CELSR1: variants seen among roughly 807,000 people sequenced by gnomAD.
CELSR1 encodes the protein adhesion G protein-coupled receptor C1.
CELSR1 carries 110 observed loss-of-function variants against 249.1 expected under a neutral mutation model. The observed-to-expected ratio is 0.44, with a 90% confidence interval of 0.38 to 0.52. CELSR1 has a LOEUF of 0.52. CELSR1 is among the 20% of genes least tolerant of loss of function. The probability of loss-of-function intolerance (pLI) is 0.00; values close to 1 mark genes in which losing one functional copy is unlikely to be tolerated. For missense variants in CELSR1, 4,109 were observed against 4,296.4 expected, an observed-to-expected ratio of 0.96 and a Z score of 1.22; for synonymous variants, 2,113 against 1,900.0, an observed-to-expected ratio of 1.11 and a Z score of -2.92.
At chr22:46,463,127 T>C (rs1486140227) in intron 2 of CELSR1, among the ~76,000 whole-genome samples, 3 of 152,242 alleles carry the variant, frequency 2.0e-5, no homozygotes, top group South Asian at 2.1e-4. Context: ...CCTGTAACCT[T>C]GTCCTACTGT....
At chr22:46,459,107 C>A (rs1225280843) in intron 2 of CELSR1, among the ~76,000 whole-genome samples, 1 of 152,122 alleles carries the variant, frequency 6.6e-6, no homozygotes, top group Non-Finnish European at 1.5e-5. Context: ...CCAGGATGGT[C>A]TCAATCTCCT....
chr22:46,463,646 G>A (rs2080058699), intron 2 of CELSR1, 61 bp downstream of exon 2: 22 of 1,439,096 alleles, frequency 1.5e-5, no homozygotes, highest in Non-Finnish European at 2.0e-5. Flanking sequence ...AACCACCTGA[G>A]ACCCTCGGCC....
intron 14 of CELSR1, among the ~76,000 whole-genome samples, chr22:46,392,940 T>C (rs1457397260): frequency 6.6e-6 from 1 of 152,136 alleles, no homozygotes; most frequent in East Asian, 1.9e-4. Flanking sequence ...CCACCCACTA[T>C]GCCACCACCG....
At chr22:46,377,414 T>A in intron 23 of CELSR1, 153 bp from the exon 24 acceptor site, 1 of 823,074 alleles carries the variant, frequency 1.2e-6, no homozygotes, top group Non-Finnish European at 1.9e-6. Flanking sequence ...CTCATGGCTC[T>A]GGGCCTGGAA....
intron 2 of CELSR1, among the ~76,000 whole-genome samples, chr22:46,443,317 C>A (rs1272663712): frequency 2.0e-5 from 3 of 152,192 alleles, no homozygotes; most frequent in African/African-American, 7.2e-5. Context: ...GCTTTCCCCT[C>A]CACCCCAGGA....
chr22:46,380,715 C>CT lies in CELSR1; in HGVS notation c.7256+72dup. 1 of 1,547,800 alleles carries CT rather than the reference C, an allele frequency of 6.5e-7. No homozygotes were observed. The highest frequency in any genetic ancestry group is 8.8e-7 in the Non-Finnish European group (1 of 1,141,614). ...ACCGTCCTCTTGGGGCGCTCTGCCA[C>CT]TGAGCCCCCGACCCTGCGGGGGCAC... On this transcript the variant is annotated intron_variant, in intron 22 of 34. Coordinates refer to ENST00000674500, the MANE Select transcript of CELSR1 (RefSeq NM_001378328.1). This position sits in a 1 kb window ranked among gnomAD's most constrained non-coding sequence, Gnocchi z 5.1.
At chr22:46,481,962 G>A (rs1254221433) in intron 1 of CELSR1, among the ~76,000 whole-genome samples, 1 of 152,040 alleles carries the variant, frequency 6.6e-6, no homozygotes, top group Non-Finnish European at 1.5e-5. Context: ...TAGTAGAGAT[G>A]GGGTTTCGCC....
intron 5 of CELSR1, among the ~76,000 whole-genome samples, chr22:46,431,042 A>G (rs944026913): frequency 1.3e-5 from 2 of 152,218 alleles, no homozygotes; most frequent in African/African-American, 4.8e-5. Flanking sequence ...GCTCGCAGGA[A>G]AGGCCTAATC....
Position 46,366,432 on chromosome 22 carries a change from G to C in CELSR1, c.8254C>G (p.Arg2752Gly), listed in dbSNP as rs140990388. 6.5e-7 allele frequency: 1 copy of C among 1,550,268 alleles called. No homozygotes were observed. Among genetic ancestry groups the C allele is most frequent in the East Asian group, 2.4e-5 (1 of 40,916 alleles). ...TTFGDGPDML[R>G]TDLGESTASL... Reference sequence around the variant, plus strand: ...GCGGTGGACTCGCCCAAGTCTGTGCGCAGCATGTCAGGCCCGTCACCGAAG... The same window carrying C: ...GCGGTGGACTCGCCCAAGTCTGTGCCCAGCATGTCAGGCCCGTCACCGAAG... The change falls in exon 30 of 35, where the codon CGC becomes GGC. Residue 2752 changes from arginine to glycine, a missense_variant. Physicochemically the swap from Arg to Gly is moderately radical, Grantham distance 125 (BLOSUM62 -2). Around this residue, in one of 7 missense-constraint regions of CELSR1, gnomAD observed 1,805 missense variants for 1,831.6 expected, o/e 0.99. Transcript: ENST00000674500.
At chr22:46,519,032 CAA>C (rs981048240) in intron 1 of CELSR1, among the ~76,000 whole-genome samples, 2 of 140,062 alleles carry the variant, frequency 1.4e-5, no homozygotes, top group Admixed American at 7.2e-5. Flanking sequence ...GACTCTGTAT[CAA>C]AAAAAAAAAA....
chr22:46,410,415 T>C lies in CELSR1; in HGVS notation c.4916A>G (p.Asn1639Ser). 1 of 1,613,816 alleles carries C rather than the reference T, an allele frequency of 6.2e-7. No individual in the cohort carries two copies. Among genetic ancestry groups the C allele is most frequent in the Non-Finnish European group, 8.5e-7 (1 of 1,179,866 alleles). ...KNVDMAGFIANNGTREGCAAR... is the reference protein window; with the variant it reads ...KNVDMAGFIASNGTREGCAAR... ...ACCCGTACCTTCCCGGGTGCCATTGTTGGCGATGAATCCGGCCATGTCCAC... is the reference window on the plus strand; with the variant it reads ...ACCCGTACCTTCCCGGGTGCCATTGCTGGCGATGAATCCGGCCATGTCCAC... The change falls in exon 7 of 35, where the codon AAC (asparagine) becomes AGC (serine). Residue 1639 changes from asparagine (N) to serine (S), a missense_variant. Physicochemically the swap from Asn to Ser is conservative, Grantham distance 46 (BLOSUM62 1). Coordinates refer to ENST00000674500, the MANE Select transcript of CELSR1 (RefSeq NM_001378328.1). The surrounding 1 kb of genome is among the most constrained non-coding windows in gnomAD (Gnocchi z 6.8).
At chr22:46,479,617 G>C (rs992610821) in intron 1 of CELSR1, among the ~76,000 whole-genome samples, 8 of 27,394 alleles carry the variant, frequency 2.9e-4, no homozygotes, top group South Asian at 3.9e-3. Context: ...GGACTTTTTG[G>C]GGGGGGGCCG....
chr22:46,479,451 G>A (rs561222171), intron 1 of CELSR1, among the ~76,000 whole-genome samples: 7 of 152,166 alleles, frequency 4.6e-5, no homozygotes, highest in East Asian at 1.9e-4. Flanking sequence ...CAGATGCCTC[G>A]TCTTTGGGAA....
rs555510928 is a variant in CELSR1 at position 46,534,953 on chromosome 22, C to G, written c.2218G>C (p.Gly740Arg). The G allele has an allele frequency of 6.2e-7, 1 of 1,612,474 alleles. No homozygotes were observed. The highest frequency in any genetic ancestry group is 2.2e-5 in the East Asian group (1 of 44,854). Reference sequence around the variant, plus strand: ...AGCGCCAGGGTGATGAGGCCGCCCCCTCTCTGGCTGCTGAGTGCAAAGCGG... The same window carrying G: ...AGCGCCAGGGTGATGAGGCCGCCCCGTCTCTGGCTGCTGAGTGCAAAGCGG... ...RNRFALSSQR[G>R]GGLITLALPL... Residue 740 changes from glycine to arginine, a missense_variant, in exon 1 of 35, where the codon GGG becomes CGG. By Grantham distance (125) the Gly-to-Arg change is moderately radical. This residue lies in a region of CELSR1 where 886 missense variants were observed against 896.5 expected (regional missense o/e 0.99). Coordinates refer to ENST00000674500, the MANE Select transcript of CELSR1 (RefSeq NM_001378328.1). The surrounding 1 kb of genome is among the most constrained non-coding windows in gnomAD (Gnocchi z 9.7).
rs766374482 is a variant in CELSR1 at position 46,390,507 on chromosome 22, T to C, written c.6251-21A>G. The C allele has an allele frequency of 3.8e-6, 6 of 1,592,116 alleles. No individual in the cohort carries two copies. Among genetic ancestry groups the C allele is most frequent in the Non-Finnish European group, 5.2e-6 (6 of 1,162,122 alleles). ...ATTTCCTGGGGAAGGAGAGCAGGTG[T>C]GCAAAGCCTGAAACTCAAACTGTTG... On this transcript the variant is annotated intron_variant, in intron 16 of 34. Coordinates refer to ENST00000674500, the MANE Select transcript of CELSR1 (RefSeq NM_001378328.1). This position sits in a 1 kb window ranked among gnomAD's most constrained non-coding sequence, Gnocchi z 6.3.
chr22:46,391,342 C>T lies in CELSR1; in HGVS notation c.6149-55G>A. ...GCGGGGCACGCCACACCCACGACCACAAACAGGCACCACTGTCTGCATGCG... is the reference window on the plus strand; with the variant it reads ...GCGGGGCACGCCACACCCACGACCATAAACAGGCACCACTGTCTGCATGCG... On this transcript the variant is annotated intron_variant, in intron 15 of 34. Transcript: ENST00000674500. The surrounding 1 kb of genome is among the most constrained non-coding windows in gnomAD (Gnocchi z 4.3). 1 of 1,495,224 alleles carries T rather than the reference C, an allele frequency of 6.7e-7. No homozygotes were observed. The highest frequency in any genetic ancestry group is 9.3e-7 in the Non-Finnish European group (1 of 1,079,480). 92.6% of individuals were successfully genotyped at this position (1,495,224 alleles called of 1,614,324 possible).
Position 46,468,892 on chromosome 22 carries a change from T to A in CELSR1, c.3545-4547A>T, listed in dbSNP as rs928750450. On this transcript the variant is annotated intron_variant, in intron 1 of 34. Transcript: ENST00000674500. This position sits in a 1 kb window ranked among gnomAD's most constrained non-coding sequence, Gnocchi z 4.5. ...GAGTTCGAGACCAGCATGGCCAACATGGTGAAACCCTGTCTCTACTAAAAA... is the reference window on the plus strand; with the variant it reads ...GAGTTCGAGACCAGCATGGCCAACAAGGTGAAACCCTGTCTCTACTAAAAA... 7.2e-5 allele frequency among the ~76,000 whole-genome samples: 11 copies of A among 152,072 alleles called. No individual in the cohort carries two copies. Among genetic ancestry groups the A allele is most frequent in the Non-Finnish European group, 1.2e-4 (8 of 68,016 alleles).
chr22:46,532,567 T>C (rs917246062), intron 1 of CELSR1, among the ~76,000 whole-genome samples: 8 of 152,210 alleles, frequency 5.3e-5, no homozygotes, highest in Admixed American at 2.0e-4. Flanking sequence ...AGGGCTCCTG[T>C]GGCAAAGTTG....
chr22:46,469,975 G>A (rs2080137356), intron 1 of CELSR1, among the ~76,000 whole-genome samples: 2 of 9,614 alleles, frequency 2.1e-4, no homozygotes, highest in South Asian at 2.6e-3. Flanking sequence ...AAGGGAGGGA[G>A]GGAGGAGGAG....
Sources: gnomAD v4.1 joint callset for allele counts (sites outside exome capture counted in the v4.1 genomes callset) on GRCh38, gnomAD v4.1.1 for gene constraint, gnomAD v4.1.1 regional missense constraint, Gnocchi (gnomAD v3.1) non-coding constraint, MANE v1.5 for transcripts, NCBI Gene and HGNC (gene_info 2026-07-23, HGNC 2026-07-21) for gene names.